MYO1D: variants seen among roughly 807,000 people sequenced by gnomAD.
The protein encoded by MYO1D is unconventional myosin-Id.
A neutral mutation model predicts 122.0 loss-of-function variants in MYO1D; 83 were observed. The observed-to-expected ratio is 0.68, with a 90% CI of 0.57 to 0.82. The LOEUF (loss-of-function observed/expected upper bound fraction) is 0.82, where lower values mean the gene tolerates loss of function less well. Ranked by LOEUF, MYO1D falls within the 40% of genes least tolerant of loss-of-function variation. MYO1D has a pLI of 0.00. For synonymous variants in MYO1D, 464 were observed against 446.9 expected (o/e 1.04, Z -0.48); for missense variants, 1,157 against 1,269.5 (o/e 0.91, Z 1.35).
chr17:32,521,230 A>G (rs757804007), intron 21 of MYO1D, among the ~76,000 whole-genome samples: 1 of 151,982 alleles, frequency 6.6e-6, no homozygotes, highest in South Asian at 2.1e-4. Context: ...TCCGCTGCCT[A>G]CTCCAGTATT....
Position 32,594,831 on chromosome 17 carries a change from T to C in MYO1D, c.2864+10256A>G, listed in dbSNP as rs534859340. 2.0e-4 allele frequency among the ~76,000 whole-genome samples: 31 copies of C among 152,216 alleles called. No homozygotes were observed. In the South Asian group the frequency reaches 5.8e-3, roughly 28 times the overall value. On this transcript the variant is annotated intron_variant, in intron 21 of 21. Coordinates refer to ENST00000318217, the MANE Select transcript of MYO1D (RefSeq NM_015194.3). ...TTGTGTGCACAGACTCTAGTTGTGG[T>C]TGCAAAGTCTTCTACTTATTATGAA...
chr17:32,847,138 C>T (rs1257230297), intron 1 of MYO1D, among the ~76,000 whole-genome samples: 1 of 152,140 alleles, frequency 6.6e-6, no homozygotes, highest in East Asian at 1.9e-4. Flanking sequence ...CCATGTAGCC[C>T]ATGAGTCTTT....
At chr17:32,638,924 T>A (rs530102588) in intron 19 of MYO1D, 89 bp from the exon 20 acceptor site, 3 of 858,402 alleles carry the variant, frequency 3.5e-6, no homozygotes, top group Admixed American at 1.8e-5. Context: ...TTAATAGATG[T>A]GAACCATGTA....
At chr17:32,740,505 G>A (rs1198271182) in intron 13 of MYO1D, among the ~76,000 whole-genome samples, 3 of 152,164 alleles carry the variant, frequency 2.0e-5, no homozygotes, top group Non-Finnish European at 4.4e-5. Context: ...CTGAGACAGG[G>A]TCTCACTCTG....
At chr17:32,639,892 A>C (rs1486765454) in intron 19 of MYO1D, among the ~76,000 whole-genome samples, 1 of 152,204 alleles carries the variant, frequency 6.6e-6, no homozygotes, top group Non-Finnish European at 1.5e-5. Context: ...CTTATTTCTA[A>C]GATGCAAACA....
intron 1 of MYO1D, among the ~76,000 whole-genome samples, chr17:32,782,316 A>T (rs2090247065): frequency 6.6e-6 from 1 of 152,182 alleles, no homozygotes; most frequent in Non-Finnish European, 1.5e-5. Context: ...GTTGTTAGGA[A>T]GTTTACATGG....
rs777827396 is a variant in MYO1D at position 32,654,667 on chromosome 17, C to T, written c.2346-46G>A. 14 of 1,482,982 alleles carry T rather than the reference C, an allele frequency of 9.4e-6. No individual in the cohort carries two copies. In the South Asian group the frequency reaches 1.6e-4, roughly 17 times the overall value. The allele number at this position is 1,482,982 out of a possible 1,614,324, so 91.9% of individuals were successfully genotyped here. ...TGTATTAGACTTTAGAAATGCAATC[C>T]CATGCATTCTCTCTCTCTTTTTTTT... is the stretch of plus-strand genomic sequence containing the variant. On this transcript the variant is annotated intron_variant, in intron 17 of 21. Coordinates refer to ENST00000318217, the MANE Select transcript of MYO1D (RefSeq NM_015194.3).
intron 1 of MYO1D, among the ~76,000 whole-genome samples, chr17:32,822,620 C>T (rs2090681147): frequency 6.7e-6 from 1 of 148,856 alleles, no homozygotes; most frequent in African/African-American, 2.4e-5. Flanking sequence ...CCGTGGCCCG[C>T]CGGCCCCCGT....
intron 21 of MYO1D, among the ~76,000 whole-genome samples, chr17:32,566,412 C>T (rs932920591): frequency 2.5e-4 from 38 of 152,010 alleles, no homozygotes; most frequent in African/African-American, 7.7e-4. Context: ...GGCACGGCAC[C>T]GGAGCTGTCT....
intron 1 of MYO1D, among the ~76,000 whole-genome samples, chr17:32,831,059 T>TA (rs982312050): frequency 4.6e-5 from 7 of 151,128 alleles, no homozygotes; most frequent in East Asian, 1.9e-4. Context: ...CCGTCTCGAA[T>TA]AAAAAAAAAT....
intron 20 of MYO1D, among the ~76,000 whole-genome samples, chr17:32,622,372 T>G (rs191215289): frequency 6.6e-6 from 1 of 152,104 alleles, no homozygotes; most frequent in African/African-American, 2.4e-5. Flanking sequence ...ACCTACTGTA[T>G]GGCAGGCAGT....
intron 10 of MYO1D, among the ~76,000 whole-genome samples, chr17:32,757,756 T>C (rs1389116506): frequency 6.6e-6 from 1 of 152,160 alleles, no homozygotes; most frequent in Non-Finnish European, 1.5e-5. Context: ...TTTGTAAGTT[T>C]AATACTGCTT....
chr17:32,587,881 C>T (rs1380692326), intron 21 of MYO1D, among the ~76,000 whole-genome samples: 1 of 152,222 alleles, frequency 6.6e-6, no homozygotes, highest in Non-Finnish European at 1.5e-5. Flanking sequence ...CAGAAACAAA[C>T]GGACCATTCC....
chr17:32,764,403 G>T (rs973713388), intron 8 of MYO1D, among the ~76,000 whole-genome samples: 3 of 152,164 alleles, frequency 2.0e-5, no homozygotes, highest in African/African-American at 7.2e-5. Flanking sequence ...GTTTCAAATT[G>T]CTAAGAGTGG....
At chr17:32,645,597 C>T (rs1199082949) in intron 19 of MYO1D, among the ~76,000 whole-genome samples, 5 of 152,084 alleles carry the variant, frequency 3.3e-5, no homozygotes, top group Admixed American at 6.5e-5. Context: ...AGGCTTTGTG[C>T]GTTTCTTTTT....
chr17:32,672,275 A>G (rs2088732656), intron 16 of MYO1D, among the ~76,000 whole-genome samples: 1 of 152,234 alleles, frequency 6.6e-6, no homozygotes, highest in Admixed American at 6.5e-5. Flanking sequence ...TCTGGCTCCA[A>G]GAATTGATCA....
At chr17:32,850,278 C>A (rs886105995) in intron 1 of MYO1D, among the ~76,000 whole-genome samples, 3 of 152,118 alleles carry the variant, frequency 2.0e-5, no homozygotes, top group African/African-American at 7.2e-5. Flanking sequence ...GGAGTTATTT[C>A]TTTACAATAT....
At position 32,623,961 on chromosome 17, in the gene MYO1D, T is replaced by C. The variant is rs145918506; in HGVS notation, c.2709+14761A>G. Among the ~76,000 whole-genome samples, 787 of 152,300 alleles carry C rather than the reference T, an allele frequency of 5.2e-3. 6 individuals are homozygous for C. Among genetic ancestry groups the C allele is most frequent in the African/African-American group, 0.018 (731 of 41,574 alleles). On this transcript the variant is annotated intron_variant, in intron 20 of 21. Coordinates refer to ENST00000318217, the MANE Select transcript of MYO1D (RefSeq NM_015194.3). ...CACTTTGGGGGTTAGGATTTTGACA[T>C]ATGAATTTTGGGGGAACACCTTCAG...
chr17:32,875,737 A>C (rs2091222419), intron 1 of MYO1D, among the ~76,000 whole-genome samples: 1 of 152,222 alleles, frequency 6.6e-6, no homozygotes, highest in African/African-American at 2.4e-5. Context: ...TAATAATGAA[A>C]TTAGGGTTAA....
Sources: gnomAD v4.1 joint callset for allele counts (sites outside exome capture counted in the v4.1 genomes callset) on GRCh38, gnomAD v4.1.1 for gene constraint, MANE v1.5 for transcripts, NCBI Gene and HGNC (gene_info 2026-07-23, HGNC 2026-07-21) for gene names.